The following CUEDC1 variants were observed in gnomAD, a reference collection of about 807,000 sequenced individuals.
CUEDC1 encodes CUE domain-containing protein 1.
A neutral mutation model predicts 43.7 loss-of-function variants in CUEDC1; 30 were observed. The observed-to-expected ratio is 0.69, with a 90% CI of 0.51 to 0.93. CUEDC1 has a LOEUF of 0.93. CUEDC1 is among the 40% of genes least tolerant of loss of function. CUEDC1 has a pLI of 0.00. For synonymous variants in CUEDC1, 223 were observed against 223.6 expected, an observed-to-expected ratio of 1.00 and a Z score of 0.02; for missense variants, 486 against 549.0, an observed-to-expected ratio of 0.89 and a Z score of 1.15.
In CUEDC1 at chr17:57,885,691, C is replaced by G; in HGVS notation, c.-127G>C. The G allele has an allele frequency of 7.7e-7, 1 of 1,293,498 alleles. No homozygotes were observed. 80.1% of individuals were successfully genotyped at this position (1,293,498 alleles called of 1,614,324 possible). ...GCTCACTCCTGCGCCTCCTCCTCCC[C>G]GGGTAGCCAGGCAGCAATGGGCTGC... On this transcript the variant is annotated 5_prime_UTR_variant, in exon 2 of 11. Coordinates refer to ENST00000577830, the MANE Select transcript of CUEDC1 (RefSeq NM_001271875.2).
In CUEDC1 at chr17:57,871,326, C is replaced by T. The variant is rs1453136372; in HGVS notation, c.828G>A (p.Val276=). The T allele has an allele frequency of 6.2e-7, 1 of 1,614,126 alleles. No homozygotes were observed. The highest frequency in any genetic ancestry group is 1.7e-5 in the Admixed American group (1 of 60,030). The change falls in exon 6 of 11, where the codon GTG becomes GTA. Residue 276 remains valine, a synonymous_variant. Transcript: ENST00000577830. The stretch of plus-strand genomic sequence containing the variant: ...AAAAGCCAAAGTCGTTTCCGACAGC[C>T]ACGCTGCTGGATTTAGATTTCTGGG... The part of the protein sequence containing the change: ...YESQKSKSSS[V]AVGNDFGFSS...
At chr17:57,894,222 G>T (rs553740215) in intron 1 of CUEDC1, among the ~76,000 whole-genome samples, 3 of 152,168 alleles carry the variant, frequency 2.0e-5, no homozygotes, top group African/African-American at 7.2e-5. Context: ...CAGAGCTGCC[G>T]GCAGGGGTGA....
chr17:57,876,165 C>T (rs2074123035), intron 3 of CUEDC1, among the ~76,000 whole-genome samples: 2 of 152,178 alleles, frequency 1.3e-5, no homozygotes, highest in African/African-American at 4.8e-5. Context: ...TCGTGTCGCT[C>T]TCCAGGTTAA....
At chr17:57,925,568 G>A (rs1598013277) in intron 1 of CUEDC1, among the ~76,000 whole-genome samples, 1 of 152,186 alleles carries the variant, frequency 6.6e-6, no homozygotes, top group East Asian at 1.9e-4. Context: ...CAGGCAAAGA[G>A]ACAGAAGACA....
chr17:57,889,233 A>G (rs569852080), intron 1 of CUEDC1, among the ~76,000 whole-genome samples: 1 of 152,340 alleles, frequency 6.6e-6, no homozygotes. Context: ...GCTATGCTGC[A>G]TTTGAGTTAT....
chr17:57,939,845 C>A (rs1465055698), intron 1 of CUEDC1, among the ~76,000 whole-genome samples: 1 of 152,152 alleles, frequency 6.6e-6, no homozygotes, highest in Non-Finnish European at 1.5e-5. Context: ...AGGGGCCATA[C>A]CACCTGGTGC....
intron 1 of CUEDC1, among the ~76,000 whole-genome samples, chr17:57,935,392 C>CAT (rs2074850629): frequency 6.9e-6 from 1 of 145,076 alleles, no homozygotes; most frequent in South Asian, 2.2e-4. Flanking sequence ...CACACACACA[C>CAT]ACACACACAC....
At chr17:57,887,655 CTTTT>C (rs3085786) in intron 1 of CUEDC1, among the ~76,000 whole-genome samples, 9 of 58,032 alleles carry the variant, frequency 1.6e-4, no homozygotes, top group South Asian at 1.2e-3. Context: ...CCACGCCTGG[CTTTT>C]TTTTTTTTTT....
intron 2 of CUEDC1, among the ~76,000 whole-genome samples, chr17:57,882,788 C>T (rs1051180011): frequency 1.3e-5 from 2 of 152,238 alleles, no homozygotes; most frequent in Non-Finnish European, 2.9e-5. Context: ...ATTTTCTTAA[C>T]ATTTTCTTGT....
intron 3 of CUEDC1, among the ~76,000 whole-genome samples, chr17:57,875,164 C>T (rs2074099710): frequency 6.6e-6 from 1 of 152,166 alleles, no homozygotes; most frequent in Non-Finnish European, 1.5e-5. Context: ...CTCTAAGGGA[C>T]TCGCAGACCA....
intron 8 of CUEDC1, 130 bp from the exon 9 acceptor site, chr17:57,867,545 A>T (rs1264966485): frequency 1.3e-5 from 10 of 757,406 alleles, no homozygotes; most frequent in Non-Finnish European, 2.0e-5. Context: ...GACCCCCCAC[A>T]CCCTTAGTAC....
chr17:57,887,515 T>TC (rs398119919), intron 1 of CUEDC1, among the ~76,000 whole-genome samples: 2 of 151,556 alleles, frequency 1.3e-5, no homozygotes, highest in African/African-American at 2.4e-5. Flanking sequence ...TTTTTTTTTT[T>TC]CGGTCTCACT....
intron 3 of CUEDC1, among the ~76,000 whole-genome samples, chr17:57,877,990 A>G (rs541366174): frequency 6.7e-6 from 1 of 149,692 alleles, no homozygotes; most frequent in East Asian, 2.0e-4. Context: ...AGACCCACCC[A>G]CTCATTCCCC....
chr17:57,952,757 T>C (rs2075019724), intron 1 of CUEDC1, among the ~76,000 whole-genome samples: 1 of 152,170 alleles, frequency 6.6e-6, no homozygotes, highest in Non-Finnish European at 1.5e-5. Flanking sequence ...CCAAACACTG[T>C]GCTCTCTAGT....
At chr17:57,868,041 C>T in intron 8 of CUEDC1, 109 bp downstream of exon 8, 1 of 875,922 alleles carries the variant, frequency 1.1e-6, no homozygotes, top group Non-Finnish European at 1.9e-6. Context: ...GGCCACAGAG[C>T]CGGGTTCCAC....
At chr17:57,877,177 T>C (rs1008396094) in intron 3 of CUEDC1, among the ~76,000 whole-genome samples, 2 of 152,212 alleles carry the variant, frequency 1.3e-5, no homozygotes, top group African/African-American at 4.8e-5. Flanking sequence ...CAGTAACTTA[T>C]CTAAAGTCCA....
At chr17:57,938,945 G>C (rs562740366) in intron 1 of CUEDC1, among the ~76,000 whole-genome samples, 2 of 148,234 alleles carry the variant, frequency 1.3e-5, no homozygotes, top group Non-Finnish European at 3.0e-5. Flanking sequence ...ACAGGCACGA[G>C]CCACCGTGCC....
At chr17:57,948,510 C>T (rs143926122) in intron 1 of CUEDC1, among the ~76,000 whole-genome samples, 40 of 152,324 alleles carry the variant, frequency 2.6e-4, no homozygotes, top group Non-Finnish European at 4.9e-4. Context: ...TCTTCAATCA[C>T]TCCAACAGTC....
intron 1 of CUEDC1, among the ~76,000 whole-genome samples, chr17:57,947,147 G>GAA (rs34707577): frequency 6.1e-4 from 49 of 79,778 alleles, no homozygotes; most frequent in African/African-American, 1.2e-3. Flanking sequence ...GTCACCAGGA[G>GAA]AAAAAAAAAA....
Sources: gnomAD v4.1 joint callset for allele counts (sites outside exome capture counted in the v4.1 genomes callset) on GRCh38, gnomAD v4.1.1 for gene constraint, MANE v1.5 for transcripts, NCBI Gene and HGNC (gene_info 2026-07-23, HGNC 2026-07-21) for gene names.